The following STXBP3 variants were observed in gnomAD, a reference collection of about 807,000 sequenced individuals.
The protein encoded by STXBP3 is syntaxin binding protein 3.
In STXBP3, 41 loss-of-function variants were observed where a neutral mutation model predicts 85.7. That is an observed-to-expected ratio of 0.48 (90% CI 0.37 to 0.62). STXBP3 has a LOEUF of 0.62. Ranked by LOEUF, STXBP3 falls within the 20% of genes least tolerant of loss-of-function variation. STXBP3 has a pLI of 0.00. For synonymous variants in STXBP3, 229 were observed against 231.7 expected (o/e 0.99, Z 0.10); for missense variants, 563 against 703.1 (o/e 0.80, Z 2.25).
intron 6 of STXBP3, among the ~76,000 whole-genome samples, chr1:108,769,857 G>A (rs575969352): frequency 6.6e-6 from 1 of 152,250 alleles, no homozygotes; most frequent in African/African-American, 2.4e-5. Flanking sequence ...TGTTTGGCTG[G>A]GGCTTTGCTC....
intron 6 of STXBP3, chr1:108,766,792 C>A: frequency 4.2e-6 from 1 of 238,404 alleles, no homozygotes; most frequent in Admixed American, 5.4e-5. Context: ...TTAGCTCAAA[C>A]CCTCCAAATT....
chr1:108,749,183 A>G (rs976360572), intron 1 of STXBP3, among the ~76,000 whole-genome samples: 1 of 152,182 alleles, frequency 6.6e-6, no homozygotes, highest in African/African-American at 2.4e-5. Flanking sequence ...TACCAGGGAG[A>G]ACAATCAATA....
At chr1:108,800,488 A>G (rs1156761445) in intron 17 of STXBP3, among the ~76,000 whole-genome samples, 183 bp downstream of exon 17, 1 of 152,230 alleles carries the variant, frequency 6.6e-6, no homozygotes, top group African/African-American at 2.4e-5. Context: ...TATTATAAAA[A>G]ATATTTTCAT....
intron 6 of STXBP3, among the ~76,000 whole-genome samples, chr1:108,771,232 T>G (rs1662390635): frequency 6.7e-6 from 1 of 149,540 alleles, no homozygotes; most frequent in African/African-American, 2.5e-5. Flanking sequence ...AGAAAAGAAA[T>G]AAAGGATGAA....
Position 108,756,737 on chromosome 1 carries a change from G to A in STXBP3, c.229G>A (p.Ala77Thr). 1 of 1,596,128 alleles carries A rather than the reference G, an allele frequency of 6.3e-7. No homozygotes were observed. The highest frequency in any genetic ancestry group is 8.5e-7 in the Non-Finnish European group (1 of 1,170,238). Reference sequence around the variant, plus strand: ...CCGTGAACCTGTCAGACAAATGAAAGCTCTTTATTTCATCACTCCGACATC... The same window carrying A: ...CCGTGAACCTGTCAGACAAATGAAAACTCTTTATTTCATCACTCCGACATC... ...KNREPVRQMK[A>T]LYFITPTSKS... Residue 77 changes from alanine to threonine, a missense_variant, in exon 4 of 19, where the codon GCT becomes ACT. Ala to Thr is a moderately conservative substitution (Grantham distance 58, BLOSUM62 0). Transcript: ENST00000370008.
At chr1:108,795,369 A>G (rs1663067675) in intron 13 of STXBP3, among the ~76,000 whole-genome samples, 1 of 152,086 alleles carries the variant, frequency 6.6e-6, no homozygotes, top group South Asian at 2.1e-4. Flanking sequence ...AGTGCAATTA[A>G]TTTTACGAAT....
In STXBP3 at chr1:108,772,645, G is replaced by A. The variant is rs760932172; in HGVS notation, c.439-20G>A. 2 of 1,366,424 alleles carry A rather than the reference G, an allele frequency of 1.5e-6. No homozygotes were observed. The highest frequency in any genetic ancestry group is 4.6e-5 in the South Asian group (2 of 43,746). The allele number at this position is 1,366,424 out of a possible 1,614,324, so 84.6% of individuals were successfully genotyped here. ...AATCAGGTCTCCAGATTAACAGTGA[G>A]TTTTTTTGTCTTAACTTAGGTGTAT... On this transcript the variant is annotated intron_variant, in intron 6 of 18. Coordinates refer to ENST00000370008, the MANE Select transcript of STXBP3 (RefSeq NM_007269.4).
rs75117409 is a variant in STXBP3, at chr1:108,766,827, C to T, written c.439-5838C>T. ...TGACTCTTAACATTCATAATCATGC[C>T]CTTTTAGTTGCTTTAAGAGGGCATA... On this transcript the variant is annotated intron_variant, in intron 6 of 18. Transcript: ENST00000370008. 1,416 of 339,482 alleles carry T rather than the reference C, an allele frequency of 4.2e-3. 19 individuals are homozygous for T. Among genetic ancestry groups the T allele is most frequent in the Admixed American group, 0.027 (704 of 26,268 alleles). The allele number at this position is 339,482 out of a possible 1,614,324, so 21.0% of individuals were successfully genotyped here.
chr1:108,752,056 T>TA (rs1173522825), intron 1 of STXBP3, among the ~76,000 whole-genome samples: 1 of 152,224 alleles, frequency 6.6e-6, no homozygotes, highest in African/African-American at 2.4e-5. Context: ...CTTTTAAAGT[T>TA]AAAAAATTGA....
rs147407895 is a variant in STXBP3, at chr1:108,758,361, G to A, written c.259-149G>A. On this transcript the variant is annotated intron_variant, in intron 4 of 18. Coordinates refer to ENST00000370008, the MANE Select transcript of STXBP3 (RefSeq NM_007269.4). ...TAGCTATCACTGGCTGGAGAACATA[G>A]CATCTTAAAAAATCAGTTTATAAAT... The A allele has an allele frequency of 1.1e-3, 419 of 387,460 alleles. 7 individuals are homozygous for A. In the East Asian group the frequency reaches 0.016, roughly 15 times the overall value. The allele number at this position is 387,460 out of a possible 1,614,324, so 24.0% of individuals were successfully genotyped here.
intron 11 of STXBP3, among the ~76,000 whole-genome samples, chr1:108,792,239 C>A (rs2101130155): frequency 6.6e-6 from 1 of 152,256 alleles, no homozygotes; most frequent in Admixed American, 6.5e-5. Flanking sequence ...ATCTTTTGAT[C>A]CATGTAGTCC....
chr1:108,778,703 C>T (rs1456316457), intron 8 of STXBP3, among the ~76,000 whole-genome samples: 1 of 151,894 alleles, frequency 6.6e-6, no homozygotes, highest in South Asian at 2.1e-4. Context: ...AGTTTTAGTG[C>T]TTTTGGAACT....
At chr1:108,754,607 C>G (rs2101103224) in intron 3 of STXBP3, among the ~76,000 whole-genome samples, 1 of 152,218 alleles carries the variant, frequency 6.6e-6, no homozygotes, top group South Asian at 2.1e-4. Context: ...TTTTGTAGAC[C>G]ATTGTTTCTT....
chr1:108,746,982 G>A (rs1306290586), intron 1 of STXBP3, among the ~76,000 whole-genome samples, 196 bp downstream of exon 1: 1 of 152,134 alleles, frequency 6.6e-6, no homozygotes, highest in Non-Finnish European at 1.5e-5. Context: ...GGCGGGGTGC[G>A]ACGGGACGCG....
chr1:108,800,723 TG>T (rs1663218161), intron 17 of STXBP3, among the ~76,000 whole-genome samples: 1 of 152,248 alleles, frequency 6.6e-6, no homozygotes, highest in African/African-American at 2.4e-5. Context: ...CCTTATTTTC[TG>T]TCCTGAATTT....
Position 108,779,391 on chromosome 1 carries a change from A to G in STXBP3, c.790A>G (p.Ile264Val), listed in dbSNP as rs1280952739. ...FQAMAYDLLP[I>V]ENDTYKYKTD... ...GGCAATGGCATATGATCTACTACCA[A>G]TTGAGAATGATACATACAAGCAAGT... The change falls in exon 9 of 19, where the codon ATT becomes GTT. Residue 264 changes from isoleucine to valine, a missense_variant. Physicochemically the swap from Ile to Val is conservative, Grantham distance 29. Transcript: ENST00000370008. 1.9e-6 allele frequency: 3 copies of G among 1,611,750 alleles called. No homozygotes were observed. Among genetic ancestry groups the G allele is most frequent in the South Asian group, 1.1e-5 (1 of 90,510 alleles).
At chr1:108,768,147 A>G (rs1662308904) in intron 6 of STXBP3, among the ~76,000 whole-genome samples, 2 of 152,180 alleles carry the variant, frequency 1.3e-5, no homozygotes, top group Admixed American at 1.3e-4. Flanking sequence ...ATATTTATTT[A>G]TTTGACACAT....
rs201541262 is a variant in STXBP3 at position 108,797,744 on chromosome 1, T to TG, written c.1357-401_1357-400insG. 9.9e-3 allele frequency among the ~76,000 whole-genome samples: 1,459 copies of TG among 147,296 alleles called. 27 individuals are homozygous for TG. Among genetic ancestry groups the TG allele is most frequent in the Non-Finnish European group, 0.011 (740 of 66,650 alleles). ...TTTTGTGTGTATGTGTGTGTGTGTG[T>TG]TTTTTTTTTGAGACGTAGTCTCACT... On this transcript the variant is annotated intron_variant, in intron 15 of 18. Coordinates refer to ENST00000370008, the MANE Select transcript of STXBP3 (RefSeq NM_007269.4).
chr1:108,756,517 A>T (rs903572277), intron 3 of STXBP3, among the ~76,000 whole-genome samples, 173 bp from the exon 4 acceptor site: 1 of 152,092 alleles, frequency 6.6e-6, no homozygotes, highest in Non-Finnish European at 1.5e-5. Flanking sequence ...GGATTTTAAA[A>T]TGTATCCAGT....
Sources: gnomAD v4.1 joint callset for allele counts (sites outside exome capture counted in the v4.1 genomes callset) on GRCh38, gnomAD v4.1.1 for gene constraint, MANE v1.5 for transcripts, NCBI Gene and HGNC (gene_info 2026-07-23, HGNC 2026-07-21) for gene names.